Variants in IGSF10 observed in about 807,000 individuals in gnomAD.
The protein encoded by IGSF10 is calvaria mechanical force protein 608.
In IGSF10, 126 loss-of-function variants were observed where a neutral mutation model predicts 128.2. The ratio of observed to expected loss-of-function variants is 0.98; its 90% CI spans 0.85 to 1.14. The LOEUF (loss-of-function observed/expected upper bound fraction) is 1.14, where lower values mean the gene tolerates loss of function less well. Among genes scored for constraint, IGSF10 ranks in the 50% most tolerant of loss-of-function variants. The probability of loss-of-function intolerance (pLI) is 0.00; values close to 1 mark genes in which losing one functional copy is unlikely to be tolerated. For synonymous variants in IGSF10, 1,185 were observed against 1,146.2 expected, an observed-to-expected ratio of 1.03 and a Z score of -0.68; for missense variants, 3,295 against 3,149.8, an observed-to-expected ratio of 1.05 and a Z score of -1.10.
chr3:151,591,720 G>T, the IGSF10 span, among the ~76,000 whole-genome samples: 2 of 152,030 alleles, frequency 1.3e-5, no homozygotes, highest in Non-Finnish European at 2.9e-5. Flanking sequence ...AAGGCTTGCT[G>T]GAGAAATGGC....
the IGSF10 span, among the ~76,000 whole-genome samples, chr3:151,618,586 C>T: frequency 6.6e-6 from 1 of 151,432 alleles, no homozygotes; most frequent in African/African-American, 2.4e-5. Flanking sequence ...AAAAATTAGC[C>T]GGGCGTGGTG....
At chr3:151,450,486 A>T (rs895659972) in intron 5 of IGSF10, among the ~76,000 whole-genome samples, 1 of 152,214 alleles carries the variant, frequency 6.6e-6, no homozygotes, top group African/African-American at 2.4e-5. Context: ...CGTGTACTAC[A>T]GTGTGACAGG....
the IGSF10 span, among the ~76,000 whole-genome samples, chr3:151,510,994 T>G: frequency 6.6e-6 from 1 of 152,222 alleles, no homozygotes; most frequent in Admixed American, 6.5e-5. Context: ...CTAATTGGTG[T>G]ACCTGAAAGT....
At chr3:151,500,267 A>ATGCT in the IGSF10 span, among the ~76,000 whole-genome samples, 1 of 152,238 alleles carries the variant, frequency 6.6e-6, no homozygotes, top group East Asian at 1.9e-4. Context: ...ACCCTTTAGG[A>ATGCT]AAAGAGAATG....
the IGSF10 span, among the ~76,000 whole-genome samples, chr3:151,500,062 A>G: frequency 6.6e-6 from 1 of 152,182 alleles, no homozygotes; most frequent in African/African-American, 2.4e-5. Flanking sequence ...TGATCATTTA[A>G]TATCAATGTT....
At chr3:151,566,965 T>C in the IGSF10 span, among the ~76,000 whole-genome samples, 1 of 152,218 alleles carries the variant, frequency 6.6e-6, no homozygotes, top group Non-Finnish European at 1.5e-5. Context: ...CATAGCCTTT[T>C]CCCTGATTGG....
At chr3:151,454,725 G>T (rs1404912652) in intron 4 of IGSF10, among the ~76,000 whole-genome samples, 1 of 152,020 alleles carries the variant, frequency 6.6e-6, no homozygotes. Context: ...TGTACAACTG[G>T]CTGGGCATGG....
At chr3:151,533,867 G>A in the IGSF10 span, among the ~76,000 whole-genome samples, 94 of 152,168 alleles carry the variant, frequency 6.2e-4, no homozygotes, top group South Asian at 8.3e-4. Flanking sequence ...GTGAACAGGC[G>A]ACCTACAGAA....
At position 151,438,294 on chromosome 3, in the gene IGSF10, ACT is replaced by A; in HGVS notation, c.6265_6266del (p.Ser2089TrpfsTer5). ...GGGTATATCTCCTAGTCCTGTGGCC[ACT>A]GTCATCGGCTTGCATTGCATTGTTG... is the stretch of plus-strand genomic sequence containing the variant. ...MINNAMQADD[S>X]GHRTRRYTLF... On this transcript the variant is annotated frameshift_variant, in exon 8 of 8. Transcript: ENST00000282466. LOFTEE classifies it low-confidence loss of function (END_TRUNC). 6.2e-7 allele frequency: 1 copy of A among 1,614,168 alleles called. No individual in the cohort carries two copies. The highest frequency in any genetic ancestry group is 8.5e-7 in the Non-Finnish European group (1 of 1,180,026).
At chr3:151,541,085 C>A in the IGSF10 span, among the ~76,000 whole-genome samples, 4 of 152,196 alleles carry the variant, frequency 2.6e-5, no homozygotes, top group Non-Finnish European at 5.9e-5. Context: ...CAAATGATTC[C>A]GTTTAAGGTT....
chr3:151,580,121 T>C, the IGSF10 span, among the ~76,000 whole-genome samples: 16 of 152,058 alleles, frequency 1.1e-4, no homozygotes, highest in Admixed American at 2.0e-4. Flanking sequence ...GGTGGGAGGA[T>C]TGCTTAAGCC....
chr3:151,445,475 C>CA lies in IGSF10; in HGVS notation c.4505dup (p.Val1503GlyfsTer12). On this transcript the variant is annotated frameshift_variant, in exon 6 of 8. Coordinates refer to ENST00000282466, the MANE Select transcript of IGSF10 (RefSeq NM_178822.5). LOFTEE classifies it high-confidence loss of function. Reference sequence around the variant, plus strand: ...GCCTTGAGGATTCGTGCAGCTTGACCACTGTATTTGTCATAAGCCCGGAAA... The same window carrying CA: ...GCCTTGAGGATTCGTGCAGCTTGACCAACTGTATTTGTCATAAGCCCGGAAA... The CA allele has an allele frequency of 6.2e-7, 1 of 1,614,126 alleles. No homozygotes were observed. Among genetic ancestry groups the CA allele is most frequent in the Non-Finnish European group, 8.5e-7 (1 of 1,180,016 alleles).
At chr3:151,484,351 C>T in the IGSF10 span, among the ~76,000 whole-genome samples, 6 of 152,150 alleles carry the variant, frequency 3.9e-5, no homozygotes, top group Admixed American at 1.3e-4. Flanking sequence ...CAGCACATGG[C>T]GGGAGGGGCA....
intron 1 of IGSF10, among the ~76,000 whole-genome samples, 173 bp downstream of exon 1, chr3:151,460,773 C>T (rs1169685088): frequency 6.6e-6 from 1 of 151,270 alleles, no homozygotes; most frequent in African/African-American, 2.4e-5. Flanking sequence ...GAAGAATTGT[C>T]GTGTGCTTTC....
chr3:151,510,383 C>A, the IGSF10 span, among the ~76,000 whole-genome samples: 4 of 152,306 alleles, frequency 2.6e-5, no homozygotes, highest in Admixed American at 6.5e-5. Flanking sequence ...CAGTAAACTC[C>A]AACAGACCTG....
Position 151,458,544 on chromosome 3 carries a change from G to A in IGSF10, c.166C>T (p.Pro56Ser), listed in dbSNP as rs1255767307. ...RYLTSIPDSI[P>S]PNVERINLGY... ...AAATTGATGCGTTCCACATTGGGCG[G>A]GATGCTGTCTGGGATGGAAGTCAGG... Residue 56 changes from proline to serine, a missense_variant, in exon 3 of 8, where the codon CCG becomes TCG. Transcript: ENST00000282466. 2 of 1,613,822 alleles carry A rather than the reference G, an allele frequency of 1.2e-6. No homozygotes were observed. Among genetic ancestry groups the A allele is most frequent in the Admixed American group, 1.7e-5 (1 of 59,972 alleles).
chr3:151,510,723 T>C, the IGSF10 span, among the ~76,000 whole-genome samples: 1 of 151,830 alleles, frequency 6.6e-6, no homozygotes, highest in Non-Finnish European at 1.5e-5. Flanking sequence ...TGAAAAAAAA[T>C]TAGATGAATG....
At chr3:151,506,956 T>C in the IGSF10 span, among the ~76,000 whole-genome samples, 1 of 152,214 alleles carries the variant, frequency 6.6e-6, no homozygotes, top group Non-Finnish European at 1.5e-5. Context: ...TTTTAAATAG[T>C]TGGTAAAAAT....
At chr3:151,528,800 GTTTTTTT>G in the IGSF10 span, among the ~76,000 whole-genome samples, 1 of 146,264 alleles carries the variant, frequency 6.8e-6, no homozygotes, top group Non-Finnish European at 1.5e-5. Context: ...AGCTGCAGGA[GTTTTTTT>G]TTTTTTTTTT....
Sources: allele counts gnomAD v4.1 joint callset (sites outside exome capture counted in the v4.1 genomes callset), GRCh38; gene constraint gnomAD v4.1.1; transcripts MANE v1.5; gene names NCBI Gene and HGNC (gene_info 2026-07-23, HGNC 2026-07-21).